RALY: variants seen among roughly 807,000 people sequenced by gnomAD.
RALY encodes RALY heterogeneous nuclear ribonucleoprotein, also known as RNA-binding protein Raly.
Under a neutral mutation model 30.7 loss-of-function variants are expected in RALY, and 15 were observed. The ratio of observed to expected loss-of-function variants is 0.49; its 90% CI spans 0.33 to 0.75. The LOEUF is 0.75. RALY is among the 30% of genes least tolerant of loss of function. RALY has a pLI of 0.02. For missense variants in RALY, 339 were observed against 414.3 expected (o/e 0.82, Z 1.58); for synonymous variants, 177 against 170.8 (o/e 1.04, Z -0.28).
chr20:34,072,549 C>T lies in RALY; in HGVS notation c.256+219C>T, dbSNP rs891465254. 2.0e-5 allele frequency among the ~76,000 whole-genome samples: 3 copies of T among 152,234 alleles called. No homozygotes were observed. In the East Asian group the frequency reaches 5.8e-4, roughly 29 times the overall value. On this transcript the variant is annotated intron_variant, in intron 3 of 9. Coordinates refer to ENST00000246194, the MANE Select transcript of RALY (RefSeq NM_016732.3). ...AACACTTCTGACCTGTCTCTGCTTT[C>T]TCAGAGCTTCTTAGTGACAGGCTTT...
At chr20:34,047,581 G>GT (rs2032925733) in intron 2 of RALY, among the ~76,000 whole-genome samples, 1 of 152,190 alleles carries the variant, frequency 6.6e-6, no homozygotes, top group Non-Finnish European at 1.5e-5. Context: ...AGTTGTATTG[G>GT]TTTGATAGAG....
chr20:34,010,797 A>T (rs974878103), intron 1 of RALY, among the ~76,000 whole-genome samples: 3 of 152,182 alleles, frequency 2.0e-5, no homozygotes, highest in Non-Finnish European at 4.4e-5. Flanking sequence ...TCTTCCTCTT[A>T]TAGGTCTGGA....
chr20:34,048,226 T>C (rs1202212364), intron 2 of RALY, among the ~76,000 whole-genome samples: 1 of 152,210 alleles, frequency 6.6e-6, no homozygotes, highest in African/African-American at 2.4e-5. Flanking sequence ...CTACGATTTA[T>C]TCTTGGCACT....
intron 2 of RALY, among the ~76,000 whole-genome samples, chr20:34,064,593 G>T (rs148596641): frequency 6.6e-6 from 1 of 152,128 alleles, no homozygotes; most frequent in African/African-American, 2.4e-5. Flanking sequence ...CAGATACTAG[G>T]ACAAGGGAGA....
At chr20:34,048,348 CAT>C (rs908383910) in intron 2 of RALY, among the ~76,000 whole-genome samples, 1 of 152,098 alleles carries the variant, frequency 6.6e-6, no homozygotes, top group Non-Finnish European at 1.5e-5. Flanking sequence ...TGCTATGGAG[CAT>C]ATAGCTGGCT....
intron 1 of RALY, among the ~76,000 whole-genome samples, chr20:33,996,188 C>G (rs1337826240): frequency 6.6e-6 from 1 of 152,198 alleles, no homozygotes; most frequent in Non-Finnish European, 1.5e-5. Flanking sequence ...CAGCATAGCA[C>G]TTGCCTTAGA....
At chr20:34,026,758 G>A (rs138647894) in intron 1 of RALY, among the ~76,000 whole-genome samples, 3 of 152,008 alleles carry the variant, frequency 2.0e-5, no homozygotes, top group Admixed American at 1.3e-4. Context: ...TCTGCTCCCT[G>A]CCTTTGCACT....
intron 2 of RALY, among the ~76,000 whole-genome samples, chr20:34,043,732 G>A (rs1305538629): frequency 6.6e-6 from 1 of 152,162 alleles, no homozygotes. Context: ...AGGATTCTTT[G>A]TTGTGGGGCC....
intron 1 of RALY, 32 bp downstream of exon 1, chr20:33,994,163 G>T (rs2030461009): frequency 6.6e-6 from 1 of 152,416 alleles, no homozygotes; most frequent in South Asian, 2.1e-4. Context: ...CTCCTTAGGG[G>T]TGCGGGGAGG....
Position 34,029,362 on chromosome 20 carries a change from G to C in RALY, c.-92-2160G>C, listed in dbSNP as rs936189042. Among the ~76,000 whole-genome samples the C allele has an allele frequency of 2.6e-5, 4 of 151,828 alleles. No homozygotes were observed. In the South Asian group the frequency reaches 6.3e-4, roughly 24 times the overall value. ...TGAGGCAGGAGAATCGCTTGAACCC[G>C]GGGGGCCGGGGGTTGCAGTGAGCCA... On this transcript the variant is annotated intron_variant, in intron 1 of 9. Coordinates refer to ENST00000246194, the MANE Select transcript of RALY (RefSeq NM_016732.3).
Position 34,072,139 on chromosome 20 carries a change from G to A in RALY, c.65G>A (p.Arg22Gln). The change falls in exon 3 of 10, where the codon CGA becomes CAA. Residue 22 changes from arginine to glutamine, a missense_variant. Around this residue, in one of 2 missense-constraint regions of RALY, gnomAD observed 71 missense variants for 133.7 expected, o/e 0.53. Transcript: ENST00000246194. The part of the protein sequence containing the change: ...NKNDPKSINS[R>Q]VFIGNLNTAL... ...AATGACCCCAAGTCCATCAACTCTC[G>A]AGTCTTCATTGGAAACCTCAACACA... The A allele has an allele frequency of 6.2e-7, 1 of 1,614,162 alleles. No homozygotes were observed.
chr20:34,019,073 A>T (rs765256985), intron 1 of RALY, among the ~76,000 whole-genome samples: 2 of 152,146 alleles, frequency 1.3e-5, no homozygotes, highest in Non-Finnish European at 2.9e-5. Flanking sequence ...CTGTAATCCC[A>T]CCACTTCAGG....
At chr20:34,042,753 A>G (rs10875490) in intron 2 of RALY, among the ~76,000 whole-genome samples, 1,619 of 152,332 alleles carry the variant, frequency 0.011, 34 homozygotes, top group African/African-American at 0.037. Context: ...GAAATATTTT[A>G]TCTGCGTATT....
At chr20:34,035,131 C>T (rs539752889) in intron 2 of RALY, among the ~76,000 whole-genome samples, 110 of 117,526 alleles carry the variant, frequency 9.4e-4, no homozygotes, top group African/African-American at 2.9e-3. Context: ...CCAGCCTGGG[C>T]GACAGAGCGA....
At chr20:33,998,653 C>G (rs549069135) in intron 1 of RALY, among the ~76,000 whole-genome samples, 23 of 152,068 alleles carry the variant, frequency 1.5e-4, no homozygotes, top group African/African-American at 5.5e-4. Flanking sequence ...TGGACTTCAT[C>G]CGGAGGTGAG....
intron 2 of RALY, among the ~76,000 whole-genome samples, chr20:34,050,674 C>A (rs1039766126): frequency 1.3e-5 from 2 of 152,214 alleles, no homozygotes; most frequent in Non-Finnish European, 2.9e-5. Context: ...TCACCTCCCC[C>A]TCTTGCCATC....
intron 2 of RALY, among the ~76,000 whole-genome samples, chr20:34,065,371 C>A (rs1434421958): frequency 2.0e-5 from 3 of 152,182 alleles, no homozygotes; most frequent in Non-Finnish European, 4.4e-5. Context: ...TGTTGCAGGT[C>A]ACATGACTAA....
chr20:34,010,827 A>G lies in RALY; in HGVS notation c.-93+16696A>G, dbSNP rs2031367733. Among the ~76,000 whole-genome samples the G allele has an allele frequency of 2.6e-5, 4 of 152,126 alleles. No individual in the cohort carries two copies. In the South Asian group the frequency reaches 8.3e-4, roughly 32 times the overall value. ...TCTGGAGAGGTTAAGCAACTTGCCT[A>G]AGGGATTGCTGTGTTTGTGGAATAA... is the stretch of plus-strand genomic sequence containing the variant. On this transcript the variant is annotated intron_variant, in intron 1 of 9. Transcript: ENST00000246194.
At chr20:34,079,359 C>T (rs2033982476) in intron 9 of RALY, among the ~76,000 whole-genome samples, 1 of 152,172 alleles carries the variant, frequency 6.6e-6, no homozygotes, top group East Asian at 1.9e-4. Context: ...CACTGTTTAC[C>T]ATCTACTCTG....
Sources: allele counts gnomAD v4.1 joint callset (sites outside exome capture counted in the v4.1 genomes callset), GRCh38; gene constraint gnomAD v4.1.1; regional missense constraint gnomAD v4.1.1; transcripts MANE v1.5; gene names NCBI Gene and HGNC (gene_info 2026-07-23, HGNC 2026-07-21).